Variants in MYO1D observed in about 807,000 individuals in gnomAD.
The protein encoded by MYO1D is unconventional myosin-Id.
In MYO1D, 83 loss-of-function variants were observed where a neutral mutation model predicts 122.0. The ratio of observed to expected loss-of-function variants is 0.68; its 90% CI spans 0.57 to 0.82. The LOEUF is 0.82. Ranked by LOEUF, MYO1D falls within the 40% of genes least tolerant of loss-of-function variation. The pLI, the probability that MYO1D is intolerant of heterozygous loss-of-function variation, is 0.00. For synonymous variants in MYO1D, 464 were observed against 446.9 expected (o/e 1.04, Z -0.48); for missense variants, 1,157 against 1,269.5 (o/e 0.91, Z 1.35).
At chr17:32,743,213 G>A (rs922992001) in intron 13 of MYO1D, among the ~76,000 whole-genome samples, 3 of 151,892 alleles carry the variant, frequency 2.0e-5, no homozygotes, top group Admixed American at 1.3e-4. Flanking sequence ...TTAAAACTAC[G>A]CTCACTCCCT....
At chr17:32,803,397 C>T (rs376010562) in intron 1 of MYO1D, among the ~76,000 whole-genome samples, 49 of 152,296 alleles carry the variant, frequency 3.2e-4, no homozygotes, top group East Asian at 1.9e-3. Flanking sequence ...CTGCCCGCCT[C>T]GTCCTCCCAA....
chr17:32,514,244 A>C (rs1434649557), intron 21 of MYO1D, among the ~76,000 whole-genome samples: 1 of 17,834 alleles, frequency 5.6e-5, no homozygotes, highest in Non-Finnish European at 1.1e-4. Context: ...TGTCTCAAAA[A>C]AAAAAAAAAA....
intron 10 of MYO1D, 82 bp from the exon 11 acceptor site, chr17:32,755,744 G>C: frequency 7.9e-7 from 1 of 1,271,166 alleles, no homozygotes; most frequent in Non-Finnish European, 1.1e-6. Flanking sequence ...TTTGTATCAG[G>C]AGTTCAGGTA....
intron 16 of MYO1D, among the ~76,000 whole-genome samples, chr17:32,696,705 T>C (rs144411051): frequency 9.2e-5 from 14 of 152,340 alleles, no homozygotes; most frequent in Non-Finnish European, 1.5e-4. Context: ...CATTTGGCTG[T>C]TTGCTATGCA....
intron 8 of MYO1D, among the ~76,000 whole-genome samples, chr17:32,762,028 T>C (rs1410379953): frequency 1.3e-5 from 2 of 151,932 alleles, no homozygotes; most frequent in African/African-American, 2.4e-5. Context: ...CAGATAAACA[T>C]CCACACTAAA....
At chr17:32,875,566 T>TG (rs1209681127) in intron 1 of MYO1D, among the ~76,000 whole-genome samples, 2 of 152,216 alleles carry the variant, frequency 1.3e-5, no homozygotes, top group Admixed American at 6.5e-5. Flanking sequence ...TAATGGGTAT[T>TG]GGTTATAGCT....
intron 16 of MYO1D, among the ~76,000 whole-genome samples, chr17:32,700,943 CAAAA>C (rs751113475): frequency 2.6e-5 from 2 of 78,220 alleles, no homozygotes; most frequent in Non-Finnish European, 2.6e-5. Context: ...GACTCCATCT[CAAAA>C]AAAAAAAAAA....
intron 1 of MYO1D, among the ~76,000 whole-genome samples, chr17:32,797,855 T>C (rs1307115939): frequency 6.6e-6 from 1 of 152,258 alleles, no homozygotes; most frequent in Admixed American, 6.5e-5. Context: ...TGACCTAATA[T>C]TAACTATGCA....
intron 21 of MYO1D, among the ~76,000 whole-genome samples, chr17:32,545,228 C>A (rs2086956576): frequency 6.6e-6 from 1 of 152,204 alleles, no homozygotes; most frequent in Non-Finnish European, 1.5e-5. Flanking sequence ...CAGCTGTGGG[C>A]ACCTCTGGCT....
At chr17:32,623,658 C>CA (rs767838746) in intron 20 of MYO1D, among the ~76,000 whole-genome samples, 2 of 152,126 alleles carry the variant, frequency 1.3e-5, no homozygotes, top group Non-Finnish European at 1.5e-5. Context: ...CTAGAAAACA[C>CA]ACACTCTCTC....
chr17:32,780,241 C>T (rs1353441775), intron 2 of MYO1D, among the ~76,000 whole-genome samples: 1 of 152,072 alleles, frequency 6.6e-6, no homozygotes, highest in Non-Finnish European at 1.5e-5. Flanking sequence ...ATTTCATTTT[C>T]GTTGGTTTCA....
chr17:32,752,423 T>A (rs932362419), intron 11 of MYO1D, among the ~76,000 whole-genome samples: 2 of 151,974 alleles, frequency 1.3e-5, no homozygotes, highest in Admixed American at 6.6e-5. Flanking sequence ...CAAATGAGAC[T>A]TAATTAAACT....
chr17:32,535,027 T>C (rs944084504), intron 21 of MYO1D, among the ~76,000 whole-genome samples: 3 of 152,178 alleles, frequency 2.0e-5, no homozygotes, highest in Non-Finnish European at 2.9e-5. Context: ...TACAGATATA[T>C]CTAGTGGCCA....
chr17:32,619,660 G>C (rs1237525595), intron 20 of MYO1D, among the ~76,000 whole-genome samples: 2 of 152,268 alleles, frequency 1.3e-5, no homozygotes, highest in East Asian at 1.9e-4. Context: ...TTGGGTCCTA[G>C]ATAGTCAAAT....
At chr17:32,593,050 C>A (rs1271295292) in intron 21 of MYO1D, among the ~76,000 whole-genome samples, 1 of 152,180 alleles carries the variant, frequency 6.6e-6, no homozygotes, top group Non-Finnish European at 1.5e-5. Flanking sequence ...TTGGAAGACA[C>A]CACTTCTCTG....
intron 21 of MYO1D, among the ~76,000 whole-genome samples, chr17:32,600,662 T>C (rs1326342355): frequency 1.3e-5 from 2 of 151,704 alleles, no homozygotes; most frequent in Non-Finnish European, 2.9e-5. Context: ...CTTCAAAGAA[T>C]TTAAGAGAGT....
intron 6 of MYO1D, among the ~76,000 whole-genome samples, chr17:32,769,069 G>A (rs1298513756): frequency 6.6e-6 from 1 of 152,292 alleles, no homozygotes; most frequent in Non-Finnish European, 1.5e-5. Context: ...ACTCATCAGA[G>A]TGATCTTATT....
In MYO1D at chr17:32,775,895, C is replaced by A; in HGVS notation, c.533G>T (p.Gly178Val). The change falls in exon 4 of 22, where the codon GGT becomes GTT. Residue 178 changes from glycine (G) to valine (V), a missense_variant. Gly to Val is a moderately radical substitution (Grantham distance 109). Transcript: ENST00000318217. ...INFDFKGDPIGGHINNYLLEK... is the reference protein window; with the variant it reads ...INFDFKGDPIVGHINNYLLEK... ...TAGTAAGTAGTTATTGATATGCCCA[C>A]CAATAGGGTCACCCTTGAAGTCAAA... 1.9e-6 allele frequency: 3 copies of A among 1,613,206 alleles called. No individual in the cohort carries two copies. Among genetic ancestry groups the A allele is most frequent in the Non-Finnish European group, 1.7e-6 (2 of 1,179,438 alleles).
At chr17:32,776,904 C>T (rs1401296595) in intron 3 of MYO1D, among the ~76,000 whole-genome samples, 2 of 152,186 alleles carry the variant, frequency 1.3e-5, no homozygotes, top group African/African-American at 4.8e-5. Flanking sequence ...GGCATACCTG[C>T]AGAAATAACT....
Sources: allele counts gnomAD v4.1 joint callset (sites outside exome capture counted in the v4.1 genomes callset), GRCh38; gene constraint gnomAD v4.1.1; transcripts MANE v1.5; gene names NCBI Gene and HGNC (gene_info 2026-07-23, HGNC 2026-07-21).